Variants in ZDHHC11 observed in about 807,000 individuals in gnomAD.
ZDHHC11 encodes zDHHC palmitoyltransferase 11.
A neutral mutation model predicts 51.3 loss-of-function variants in ZDHHC11; 44 were observed. The observed-to-expected ratio is 0.86, with a 90% CI of 0.67 to 1.10. The LOEUF (loss-of-function observed/expected upper bound fraction) is 1.10, where lower values mean the gene tolerates loss of function less well. Among genes scored for constraint, ZDHHC11 ranks in the 50% least tolerant of loss-of-function variants. The probability of loss-of-function intolerance (pLI) is 0.00; values close to 1 mark genes in which losing one functional copy is unlikely to be tolerated. For synonymous variants in ZDHHC11, 163 were observed against 222.0 expected (o/e 0.73, Z 2.36); for missense variants, 400 against 537.7 (o/e 0.74, Z 2.53).
chr5:835,425 C>A (rs1343790822), intron 6 of ZDHHC11, among the ~76,000 whole-genome samples: 1 of 151,734 alleles, frequency 6.6e-6, no homozygotes, highest in African/African-American at 2.4e-5. Flanking sequence ...TCTGTCGGTG[C>A]CACACTGTTT....
intron 11 of ZDHHC11, among the ~76,000 whole-genome samples, chr5:814,001 G>A (rs983719693): frequency 6.6e-6 from 1 of 150,610 alleles, no homozygotes; most frequent in Non-Finnish European, 1.5e-5. Context: ...TTAGTAGAGT[G>A]TAGGAGCGCA....
chr5:827,418 T>A (rs142829180), intron 7 of ZDHHC11, among the ~76,000 whole-genome samples: 83 of 151,272 alleles, frequency 5.5e-4, no homozygotes, highest in Middle Eastern at 3.4e-3. Flanking sequence ...TATAAGCACC[T>A]TCTAAAAAAT....
rs563015075 is a variant in ZDHHC11, at chr5:841,760, G to A, written c.629-1110C>T. 22 of 995,320 alleles carry A rather than the reference G, an allele frequency of 2.2e-5. No individual in the cohort carries two copies. In the Admixed American group the frequency reaches 2.4e-4, roughly 11 times the overall value. 61.7% of individuals were successfully genotyped at this position (995,320 alleles called of 1,614,324 possible). On this transcript the variant is annotated intron_variant, in intron 4 of 12. Coordinates refer to ENST00000283441, the MANE Select transcript of ZDHHC11 (RefSeq NM_024786.3). Reference sequence around the variant, plus strand: ...AAAACCACACTTCCAAAAATCAGGCGTAATGCAGAATGGCAGAGGGCCAGG... The same window carrying A: ...AAAACCACACTTCCAAAAATCAGGCATAATGCAGAATGGCAGAGGGCCAGG...
chr5:805,401 C>T (rs1739102156), intron 11 of ZDHHC11, among the ~76,000 whole-genome samples: 2 of 150,782 alleles, frequency 1.3e-5, no homozygotes, highest in Admixed American at 1.3e-4. Context: ...CTGTGCACTC[C>T]AGCCTGGGCA....
At chr5:851,358 G>A (rs1440746953), upstream of ZDHHC11, among the ~76,000 whole-genome samples, 1 of 151,962 alleles carries the variant, frequency 6.6e-6, no homozygotes, top group Non-Finnish European at 1.5e-5. Flanking sequence ...GGGGTGGGAG[G>A]GACGTGGTGT....
intron 9 of ZDHHC11, among the ~76,000 whole-genome samples, chr5:821,638 GA>G (rs976162189): frequency 1.5e-5 from 2 of 135,484 alleles, no homozygotes; most frequent in South Asian, 2.2e-4. Flanking sequence ...AGCGTACCAG[GA>G]AAAAAACAAA....
intron 7 of ZDHHC11, among the ~76,000 whole-genome samples, chr5:829,374 T>C (rs1214012387): frequency 6.6e-6 from 1 of 151,892 alleles, no homozygotes; most frequent in Non-Finnish European, 1.5e-5. Context: ...ATGAACACCG[T>C]TATGCACACA....
intron 7 of ZDHHC11, among the ~76,000 whole-genome samples, chr5:827,333 G>A (rs1195314419): frequency 6.7e-6 from 1 of 149,926 alleles, no homozygotes; most frequent in Admixed American, 6.6e-5. Context: ...AAAAACCAAG[G>A]TATTCAGGCA....
At chr5:817,855 C>T (rs1359014625) in intron 10 of ZDHHC11, among the ~76,000 whole-genome samples, 2 of 151,292 alleles carry the variant, frequency 1.3e-5, no homozygotes, top group East Asian at 1.9e-4. Flanking sequence ...TTCCATTCAT[C>T]GAGTCAGGGT....
chr5:850,291 G>A lies in ZDHHC11; in HGVS notation c.222+90C>T, dbSNP rs532261994. On this transcript the variant is annotated intron_variant, in intron 1 of 12. Coordinates refer to ENST00000283441, the MANE Select transcript of ZDHHC11 (RefSeq NM_024786.3). The stretch of plus-strand genomic sequence containing the variant: ...CAGGGCAGGTGACTGGTGCCACCGG[G>A]CAGCCATGGCCCAGACCCCACAGCC... 6 of 1,434,082 alleles carry A rather than the reference G, an allele frequency of 4.2e-6. No individual in the cohort carries two copies. The East Asian group carries it at 1.2e-4, about 30-fold the overall frequency. The allele number at this position is 1,434,082 out of a possible 1,614,324, so 88.8% of individuals were successfully genotyped here. A position where few individuals can be genotyped will look rare whatever the true frequency, so the allele number is the denominator to read the frequency against.
chr5:840,181 A>G lies in ZDHHC11; in HGVS notation c.784+314T>C, dbSNP rs1390904841. The G allele has an allele frequency of 2.2e-5, 15 of 670,746 alleles. No homozygotes were observed. In the East Asian group the frequency reaches 4.1e-4, roughly 18 times the overall value. The allele number at this position is 670,746 out of a possible 1,614,324, so 41.5% of individuals were successfully genotyped here. ...GTTCTTGCCTAATAGATTCCATTCC[A>G]TTGTCTCTGAACATTTTAAACTTGT... is the stretch of plus-strand genomic sequence containing the variant. On this transcript the variant is annotated intron_variant, in intron 5 of 12. Coordinates refer to ENST00000283441, the MANE Select transcript of ZDHHC11 (RefSeq NM_024786.3).
intron 11 of ZDHHC11, among the ~76,000 whole-genome samples, chr5:803,322 A>C (rs1330854302): frequency 1.3e-5 from 2 of 151,490 alleles, no homozygotes; most frequent in African/African-American, 4.8e-5. Flanking sequence ...TTACAGAGAC[A>C]GACATTCCCC....
At chr5:820,542 T>C (rs1170424949) in intron 9 of ZDHHC11, among the ~76,000 whole-genome samples, 1 of 151,246 alleles carries the variant, frequency 6.6e-6, no homozygotes, top group Admixed American at 6.6e-5. Flanking sequence ...GCTGAGCCCC[T>C]GCCGGTGTCT....
intron 10 of ZDHHC11, among the ~76,000 whole-genome samples, chr5:817,906 C>G (rs189650098): frequency 6.6e-6 from 1 of 151,348 alleles, no homozygotes; most frequent in African/African-American, 2.4e-5. Context: ...TGGGCCCTCT[C>G]GAAGGGGAGG....
At chr5:801,870 C>T in intron 11 of ZDHHC11, among the ~76,000 whole-genome samples, 1 of 151,576 alleles carries the variant, frequency 6.6e-6, no homozygotes, top group South Asian at 2.1e-4. Flanking sequence ...GTATCCATCA[C>T]ATGCTATAGT....
At chr5:817,241 T>A (rs1740927753) in intron 10 of ZDHHC11, among the ~76,000 whole-genome samples, 1 of 151,624 alleles carries the variant, frequency 6.6e-6, no homozygotes, top group African/African-American at 2.4e-5. Context: ...CAAAAGCATT[T>A]TTGCTAAAAG....
upstream of ZDHHC11, among the ~76,000 whole-genome samples, chr5:853,443 GC>G (rs1747618631): frequency 2.0e-5 from 3 of 146,848 alleles, no homozygotes; most frequent in Non-Finnish European, 3.0e-5. Context: ...AGGACAGTGA[GC>G]CAGGGGGCAC....
chr5:855,703 G>C (rs1370402810), upstream of ZDHHC11, among the ~76,000 whole-genome samples: 1 of 149,266 alleles, frequency 6.7e-6, no homozygotes, highest in Non-Finnish European at 1.5e-5. Context: ...AGTGAGCCGG[G>C]GGGACAGACC....
upstream of ZDHHC11, among the ~76,000 whole-genome samples, chr5:852,450 G>C (rs573440054): frequency 2.0e-5 from 3 of 152,390 alleles, no homozygotes; most frequent in African/African-American, 7.2e-5. Context: ...ATTGGAAAAA[G>C]TAATACATCC....
Sources: allele counts gnomAD v4.1 joint callset (sites outside exome capture counted in the v4.1 genomes callset), GRCh38; gene constraint gnomAD v4.1.1; transcripts MANE v1.5; gene names NCBI Gene and HGNC (gene_info 2026-07-23, HGNC 2026-07-21).